SLF2: variants seen among roughly 807,000 people sequenced by gnomAD.
The protein encoded by SLF2 is SMC5/6 complex localization factor 2, also known as SMC5-SMC6 complex localization factor protein 2.
A neutral mutation model predicts 124.3 loss-of-function variants in SLF2; 68 were observed. That is an observed-to-expected ratio of 0.55 (90% confidence interval 0.45 to 0.67). The LOEUF (loss-of-function observed/expected upper bound fraction) is 0.67. Among genes scored for constraint, SLF2 ranks in the 30% least tolerant of loss-of-function variants. SLF2 has a pLI of 0.00. For synonymous variants in SLF2, 480 were observed against 478.8 expected, an observed-to-expected ratio of 1.00 and a Z score of -0.03; for missense variants, 1,246 against 1,373.7, an observed-to-expected ratio of 0.91 and a Z score of 1.47.
intron 11 of SLF2, among the ~76,000 whole-genome samples, chr10:100,940,944 T>TC (rs1849964307): frequency 6.6e-6 from 1 of 150,796 alleles, no homozygotes; most frequent in Non-Finnish European, 1.5e-5. Flanking sequence ...CAAGTGGCCC[T>TC]CCTGCCTCAG....
chr10:100,938,538 C>T (rs955765783), intron 10 of SLF2, 57 bp from the exon 11 acceptor site: 10 of 1,529,350 alleles, frequency 6.5e-6, no homozygotes, highest in Non-Finnish European at 8.8e-6. Flanking sequence ...TGTCACCTTG[C>T]AAATGTGGGT....
intron 18 of SLF2, among the ~76,000 whole-genome samples, chr10:100,958,628 G>GT (rs1850374372): frequency 6.6e-6 from 1 of 152,220 alleles, no homozygotes; most frequent in Non-Finnish European, 1.5e-5. Context: ...AAATAGATGA[G>GT]TTGCCTGCCT....
In SLF2 at chr10:100,945,346, CA is replaced by C. The variant is rs1850083981; in HGVS notation, c.2775del (p.Ser926LeufsTer12). 1 of 1,590,324 alleles carries C rather than the reference CA, an allele frequency of 6.3e-7. No homozygotes were observed. The highest frequency in any genetic ancestry group is 1.4e-5 in the African/African-American group (1 of 73,434). On this transcript the variant is annotated frameshift_variant, in exon 13 of 20. Transcript: ENST00000238961. LOFTEE classifies it high-confidence loss of function. ...GTTAAACAGTTTCTAGGCTTGTGTACATCTATACATCCAGAAGGTTACCAGG... is the reference window on the plus strand; with the variant it reads ...GTTAAACAGTTTCTAGGCTTGTGTACTCTATACATCCAGAAGGTTACCAGG... ...LNVVKFLGLC[T>X]SIHPEGYQDR... is the part of the protein sequence containing the mutation.
chr10:100,940,820 C>CCTTCCTTCCTTCCTTCCTTCCTTCCT (rs1554879648), intron 11 of SLF2, among the ~76,000 whole-genome samples: 1 of 101,066 alleles, frequency 9.9e-6, no homozygotes, highest in African/African-American at 3.4e-5. Context: ...CCTGCCCCTT[C>CCTTCCTTCCTTCCTTCCTTCCTTCCT]TCCTTCCTTC....
chr10:100,914,659 G>T (rs1195497801), intron 1 of SLF2, among the ~76,000 whole-genome samples: 2 of 152,100 alleles, frequency 1.3e-5, no homozygotes, highest in African/African-American at 4.8e-5. Flanking sequence ...ATTTACTCTG[G>T]TGGAGTTAAT....
At chr10:100,929,510 T>C (rs1220770676) in intron 7 of SLF2, 71 bp downstream of exon 7, 2 of 1,344,944 alleles carry the variant, frequency 1.5e-6, no homozygotes, top group East Asian at 2.5e-5. Context: ...TTTTGTAAAA[T>C]AAATGGGCCA....
At chr10:100,932,765 G>C (rs1184729521) in intron 9 of SLF2, among the ~76,000 whole-genome samples, 1 of 151,954 alleles carries the variant, frequency 6.6e-6, no homozygotes, top group Non-Finnish European at 1.5e-5. Flanking sequence ...TGTGTCAGAT[G>C]ATAAGTGCTA....
At chr10:100,929,523 G>T (rs1297464313) in intron 7 of SLF2, 84 bp downstream of exon 7, 1 of 1,199,388 alleles carries the variant, frequency 8.3e-7, no homozygotes, top group African/African-American at 1.5e-5. Flanking sequence ...ATGGGCCATT[G>T]ATGGCTGTTA....
chr10:100,918,627 T>C (rs1278707470), intron 4 of SLF2, among the ~76,000 whole-genome samples, 186 bp downstream of exon 4: 2 of 152,308 alleles, frequency 1.3e-5, no homozygotes, highest in East Asian at 3.9e-4. Flanking sequence ...ACTTATAATT[T>C]GGGTTTGTTT....
intron 6 of SLF2, 126 bp from the exon 7 acceptor site, chr10:100,929,191 A>T (rs1849678812): frequency 1.3e-6 from 1 of 796,328 alleles, no homozygotes; most frequent in African/African-American, 1.7e-5. Context: ...CCGATAGTAT[A>T]ACAAAATTTG....
Position 100,918,409 on chromosome 10 carries a change from G to C in SLF2, c.941G>C (p.Arg314Thr). ...NVENGHLSRK[R>T]SSSDSWEPTS... The stretch of plus-strand genomic sequence containing the variant: ...GAAAATGGACATCTCTCAAGAAAAA[G>C]ATCCTCTTCTGATTCATGGGAACCT... The change falls in exon 4 of 20, where the codon AGA (arginine) becomes ACA (threonine). Residue 314 changes from arginine (R) to threonine (T), a missense_variant. Around this residue, in one of 3 missense-constraint regions of SLF2, gnomAD observed 698 missense variants for 708.9 expected, o/e 0.98. Coordinates refer to ENST00000238961, the MANE Select transcript of SLF2 (RefSeq NM_018121.4). 1 of 1,596,338 alleles carries C rather than the reference G, an allele frequency of 6.3e-7. No individual in the cohort carries two copies. The highest frequency in any genetic ancestry group is 8.5e-7 in the Non-Finnish European group (1 of 1,172,272).
At chr10:100,960,600 A>T (rs1850408734) in intron 19 of SLF2, among the ~76,000 whole-genome samples, 1 of 152,076 alleles carries the variant, frequency 6.6e-6, no homozygotes, top group Non-Finnish European at 1.5e-5. Flanking sequence ...CATTTTTTTC[A>T]TCCCATACTT....
Position 100,924,986 on chromosome 10 carries a change from T to G in SLF2, c.1971+14T>G, listed in dbSNP as rs773711609. On this transcript the variant is annotated intron_variant, in intron 5 of 19. Coordinates refer to ENST00000238961, the MANE Select transcript of SLF2 (RefSeq NM_018121.4). Reference sequence around the variant, plus strand: ...TCAGACTATACAGTAAGTAGTTCTGTGACGTTTATCTTTACTTGAAGAGGG... The same window carrying G: ...TCAGACTATACAGTAAGTAGTTCTGGGACGTTTATCTTTACTTGAAGAGGG... 13 of 1,586,578 alleles carry G rather than the reference T, an allele frequency of 8.2e-6. No homozygotes were observed. In the East Asian group the frequency reaches 2.5e-4, roughly 30 times the overall value.
rs1180260111 is a variant in SLF2 at position 100,917,125 on chromosome 10, G to A, written c.740G>A (p.Arg247Gln). Residue 247 changes from arginine (R) to glutamine (Q), a missense_variant, in exon 3 of 20, where the codon CGA becomes CAA. Transcript: ENST00000238961. ...TCACTAGCTTCTTACTGCAGAGAAC[G>A]AGAACTAAAGAGGTTGAGAAAGGAG... ...QLSLASYCRERELKRLRKEQM... is the reference protein window; with the variant it reads ...QLSLASYCREQELKRLRKEQM... 4.3e-6 allele frequency: 7 copies of A among 1,614,110 alleles called. No homozygotes were observed. The highest frequency in any genetic ancestry group is 1.1e-5 in the South Asian group (1 of 91,060).
intron 4 of SLF2, among the ~76,000 whole-genome samples, chr10:100,920,757 C>T (rs1166082215): frequency 6.6e-6 from 1 of 152,112 alleles, no homozygotes; most frequent in Non-Finnish European, 1.5e-5. Flanking sequence ...CGAGACCAGC[C>T]TGGCCAACAT....
chr10:100,933,205 C>T (rs867816046), intron 9 of SLF2, among the ~76,000 whole-genome samples: 1 of 152,160 alleles, frequency 6.6e-6, no homozygotes, highest in South Asian at 2.1e-4. Flanking sequence ...TTGCATTTAT[C>T]TATGTTAATT....
At chr10:100,947,528 A>G (rs957196199) in intron 14 of SLF2, among the ~76,000 whole-genome samples, 2 of 152,182 alleles carry the variant, frequency 1.3e-5, no homozygotes, top group Non-Finnish European at 2.9e-5. Context: ...TCAGGGTCAA[A>G]GATAAGGCCG....
intron 19 of SLF2, among the ~76,000 whole-genome samples, chr10:100,960,036 T>C (rs1354889992): frequency 6.6e-6 from 1 of 152,210 alleles, no homozygotes; most frequent in African/African-American, 2.4e-5. Flanking sequence ...CATCGGTAAA[T>C]GAGATATACT....
At position 100,916,882 on chromosome 10, in the gene SLF2, A is replaced by G. The variant is rs1197352721; in HGVS notation, c.497A>G (p.Lys166Arg). ...CCAAAGGAGATGAAGTCACTAAAGA[A>G]AAAACATCGATCCCCAGAGAGAAGG... is the stretch of plus-strand genomic sequence containing the variant. ...HLPKEMKSLK[K>R]KHRSPERRKS... is the part of the protein sequence containing the mutation. The change falls in exon 3 of 20, where the codon AAA (lysine) becomes AGA (arginine). Residue 166 changes from lysine to arginine, a missense_variant. Transcript: ENST00000238961. 2 of 1,614,250 alleles carry G rather than the reference A, an allele frequency of 1.2e-6. No individual in the cohort carries two copies. The highest frequency in any genetic ancestry group is 1.7e-5 in the Admixed American group (1 of 60,028).
Sources: allele counts gnomAD v4.1 joint callset (sites outside exome capture counted in the v4.1 genomes callset), GRCh38; gene constraint gnomAD v4.1.1; regional missense constraint gnomAD v4.1.1; transcripts MANE v1.5; gene names NCBI Gene and HGNC (gene_info 2026-07-23, HGNC 2026-07-21).